The following RASGRP3 variants were observed in gnomAD, a reference collection of about 807,000 sequenced individuals.
RASGRP3 encodes RAS guanyl releasing protein 3, also known as ras guanyl-releasing protein 3.
Under a neutral mutation model 82.7 loss-of-function variants are expected in RASGRP3, and 54 were observed. The ratio of observed to expected loss-of-function variants is 0.65; its 90% CI spans 0.52 to 0.82. The LOEUF (loss-of-function observed/expected upper bound fraction) is 0.82. RASGRP3 is among the 40% of genes least tolerant of loss of function. RASGRP3 has a pLI of 0.00. For missense variants in RASGRP3, 861 were observed against 828.9 expected, an observed-to-expected ratio of 1.04 and a Z score of -0.48; for synonymous variants, 309 against 300.5, an observed-to-expected ratio of 1.03 and a Z score of -0.29.
At chr2:33,549,979 G>C (rs1391782544) in intron 14 of RASGRP3, among the ~76,000 whole-genome samples, 1 of 152,210 alleles carries the variant, frequency 6.6e-6, no homozygotes, top group African/African-American at 2.4e-5. Context: ...GTTAACTCAA[G>C]AGAGTGGTTT....
chr2:33,541,519 C>T (rs529189138), intron 12 of RASGRP3, among the ~76,000 whole-genome samples: 3 of 147,080 alleles, frequency 2.0e-5, no homozygotes, highest in South Asian at 2.2e-4. Flanking sequence ...TAACTTGATA[C>T]AAGAGTACCT....
At chr2:33,553,035 A>C (rs1675522027) in intron 14 of RASGRP3, among the ~76,000 whole-genome samples, 1 of 152,154 alleles carries the variant, frequency 6.6e-6, no homozygotes, top group Non-Finnish European at 1.5e-5. Context: ...CCTGGCTATT[A>C]AGTAAGCATT....
At chr2:33,480,351 A>G (rs1040771832) in intron 1 of RASGRP3, among the ~76,000 whole-genome samples, 1 of 152,142 alleles carries the variant, frequency 6.6e-6, no homozygotes, top group South Asian at 2.1e-4. Flanking sequence ...CCCGCATGAA[A>G]GAAGAATTTT....
intron 1 of RASGRP3, among the ~76,000 whole-genome samples, chr2:33,437,521 G>C (rs1256141967): frequency 6.6e-6 from 1 of 152,222 alleles, no homozygotes; most frequent in Non-Finnish European, 1.5e-5. Context: ...TATTGAAAAG[G>C]AAGAGCAGAA....
intron 1 of RASGRP3, among the ~76,000 whole-genome samples, chr2:33,480,762 C>T (rs1277694470): frequency 6.6e-6 from 1 of 152,192 alleles, no homozygotes; most frequent in African/African-American, 2.4e-5. Context: ...TGATTGCTCA[C>T]TTATAGTCCC....
intron 1 of RASGRP3, among the ~76,000 whole-genome samples, chr2:33,497,085 C>G (rs184257065): frequency 3.7e-4 from 57 of 152,166 alleles, no homozygotes; most frequent in Admixed American, 7.8e-4. Context: ...GAGATTTGTA[C>G]ATTTTAATTT....
chr2:33,437,986 G>C (rs1028095517), intron 1 of RASGRP3, among the ~76,000 whole-genome samples: 2 of 152,180 alleles, frequency 1.3e-5, no homozygotes, highest in South Asian at 2.1e-4. Context: ...ACTCTAAGGT[G>C]ACTTAATTAA....
intron 10 of RASGRP3, among the ~76,000 whole-genome samples, chr2:33,530,497 C>CTTTTTTTTTT (rs746592952): frequency 8.5e-6 from 1 of 117,108 alleles, no homozygotes; most frequent in African/African-American, 3.5e-5. Flanking sequence ...CTGCCCCTTC[C>CTTTTTTTTTT]TTTTTTTTTT....
At chr2:33,508,955 T>C (rs1172122635) in intron 1 of RASGRP3, among the ~76,000 whole-genome samples, 1 of 152,206 alleles carries the variant, frequency 6.6e-6, no homozygotes, top group Non-Finnish European at 1.5e-5. Context: ...TATGGTCTAG[T>C]TACACTTTCC....
chr2:33,486,515 C>T (rs1047177575), intron 1 of RASGRP3, among the ~76,000 whole-genome samples: 1 of 152,118 alleles, frequency 6.6e-6, no homozygotes, highest in African/African-American at 2.4e-5. Context: ...ATTGCACAAA[C>T]ATGAAGAATA....
chr2:33,514,582 G>A (rs951751955), intron 2 of RASGRP3, among the ~76,000 whole-genome samples: 2 of 151,602 alleles, frequency 1.3e-5, no homozygotes, highest in Non-Finnish European at 2.9e-5. Flanking sequence ...CTACTTGGGG[G>A]TCAGAAGTGG....
chr2:33,470,527 C>G lies in RASGRP3; in HGVS notation c.-261+22584C>G, dbSNP rs546369116. 4.6e-3 allele frequency among the ~76,000 whole-genome samples: 695 copies of G among 151,916 alleles called. 4 individuals are homozygous for G. The highest frequency in any genetic ancestry group is 0.016 in the African/African-American group (662 of 41,438). ...CCCGAGTAGCTGGGACTACAGGCGC[C>G]CGCCACCATGCCCGGCTAATTTTTT... On this transcript the variant is annotated intron_variant, in intron 2 of 18. Transcript: ENST00000402538.
At chr2:33,447,664 A>T (rs62147117) in intron 1 of RASGRP3, among the ~76,000 whole-genome samples, 13,417 of 152,076 alleles carry the variant, frequency 0.088, 1,721 homozygotes, top group African/African-American at 0.28. Context: ...ATATCAAGTG[A>T]TTCGACCGCC....
chr2:33,541,959 A>C lies in RASGRP3; in HGVS notation c.1279-1553A>C, dbSNP rs761550786. Among the ~76,000 whole-genome samples the C allele has an allele frequency of 7.5e-5, 11 of 146,928 alleles. 1 individual carries two copies. The highest frequency in any genetic ancestry group is 1.4e-4 in the Non-Finnish European group (9 of 65,680). ...TTTTTTGCATTAAACTATATAATAC[A>C]CTAGTGCAGTGGCTCATGCCTATAA... is the stretch of plus-strand genomic sequence containing the variant. On this transcript the variant is annotated intron_variant, in intron 12 of 17. Transcript: ENST00000403687.
chr2:33,486,199 C>G (rs1013967695), intron 1 of RASGRP3, among the ~76,000 whole-genome samples: 1 of 144,788 alleles, frequency 6.9e-6, no homozygotes, highest in Non-Finnish European at 1.5e-5. Context: ...GAGTCTCACT[C>G]TGTCACCTAG....
intron 1 of RASGRP3, among the ~76,000 whole-genome samples, chr2:33,506,175 C>T (rs1400270221): frequency 6.6e-6 from 1 of 152,158 alleles, no homozygotes; most frequent in Non-Finnish European, 1.5e-5. Context: ...TAATAGTGAA[C>T]GTTATTCATT....
Position 33,527,133 on chromosome 2 carries a change from C to G in RASGRP3, c.808-4C>G. On this transcript the variant is annotated splice_region_variant and splice_polypyrimidine_tract_variant and intron_variant, in intron 9 of 17. Transcript: ENST00000403687. The stretch of plus-strand genomic sequence containing the variant: ...GAAAATTCTACTTTTCCATCTGTTC[C>G]CAGAACTGGAATGAAATGACAGAGT... 1.9e-6 allele frequency: 3 copies of G among 1,613,704 alleles called. No homozygotes were observed. Among genetic ancestry groups the G allele is most frequent in the South Asian group, 2.2e-5 (2 of 91,060 alleles).
At chr2:33,491,799 C>T (rs756585107) in intron 1 of RASGRP3, among the ~76,000 whole-genome samples, 50 of 152,358 alleles carry the variant, frequency 3.3e-4, no homozygotes, top group Non-Finnish European at 5.0e-4. Context: ...CTCAGCTGCC[C>T]TGCACTGAGA....
intron 13 of RASGRP3, among the ~76,000 whole-genome samples, chr2:33,544,220 G>A (rs1033890273): frequency 2.0e-5 from 3 of 152,008 alleles, no homozygotes; most frequent in Non-Finnish European, 4.4e-5. Context: ...TGGCTGAGGC[G>A]GGAGAATTGC....
Sources: allele counts gnomAD v4.1 joint callset (sites outside exome capture counted in the v4.1 genomes callset), GRCh38; gene constraint gnomAD v4.1.1; transcripts MANE v1.5; gene names NCBI Gene and HGNC (gene_info 2026-07-23, HGNC 2026-07-21).